The following SETD1A variants were observed in gnomAD, a reference collection of about 807,000 sequenced individuals.
SETD1A encodes the protein histone-lysine N-methyltransferase SETD1A.
SETD1A carries 29 observed loss-of-function variants against 149.9 expected under a neutral mutation model. That is an observed-to-expected ratio of 0.19 (90% CI 0.14 to 0.26). The LOEUF is 0.26. Among genes scored for constraint, SETD1A ranks in the 10% least tolerant of loss-of-function variants. SETD1A has a pLI of 1.00. For missense variants in SETD1A, 2,109 were observed against 2,353.1 expected (o/e 0.90, Z 2.15); for synonymous variants, 1,141 against 968.5 (o/e 1.18, Z -3.31).
intron 13 of SETD1A, among the ~76,000 whole-genome samples, chr16:30,974,245 T>C (rs2056257957): frequency 6.6e-6 from 1 of 151,974 alleles, no homozygotes; most frequent in South Asian, 2.1e-4. Flanking sequence ...GAGGTTGCAT[T>C]TGAGGTGCCC....
chr16:30,959,752 C>CTTTTTT (rs10577465), intron 3 of SETD1A, among the ~76,000 whole-genome samples: 1 of 96,258 alleles, frequency 1.0e-5, no homozygotes, highest in African/African-American at 3.3e-5. Flanking sequence ...TCTTCTTCTT[C>CTTTTTT]TTTTTTTTTT....
Position 30,980,219 on chromosome 16 carries a change from C to T in SETD1A, c.4408+25C>T. The T allele has an allele frequency of 2.5e-6, 4 of 1,573,044 alleles. No individual in the cohort carries two copies. Among genetic ancestry groups the T allele is most frequent in the Non-Finnish European group, 3.5e-6 (4 of 1,157,620 alleles). ...AATATCCTGAGTGTGGGCGGCCTTC[C>T]CCGGGCTTGGGTCCTCCCCCGACCC... On this transcript the variant is annotated intron_variant, in intron 14 of 18. Coordinates refer to ENST00000262519, the MANE Select transcript of SETD1A (RefSeq NM_014712.3). The surrounding 1 kb of genome is among the most constrained non-coding windows in gnomAD (Gnocchi z 7.7).
Position 30,967,430 on chromosome 16 carries a change from A to G in SETD1A, c.2683-71A>G. On this transcript the variant is annotated intron_variant, in intron 9 of 18. Transcript: ENST00000262519. ...TGGCCTCCCAAAGTGCTGGGATTAC[A>G]GGAGTGAGCCACCGTGCTCTGCCTG... 6 of 1,400,344 alleles carry G rather than the reference A, an allele frequency of 4.3e-6. No homozygotes were observed. The South Asian group carries it at 5.8e-5, about 13-fold the overall frequency. 86.7% of individuals were successfully genotyped at this position (1,400,344 alleles called of 1,614,324 possible).
intron 17 of SETD1A, among the ~76,000 whole-genome samples, chr16:30,981,660 C>G (rs568366503): frequency 6.6e-6 from 1 of 152,378 alleles, no homozygotes; most frequent in African/African-American, 2.4e-5. Context: ...CAGGCGTGAG[C>G]CATCGCATCC....
intron 13 of SETD1A, among the ~76,000 whole-genome samples, chr16:30,972,465 A>G (rs2056237038): frequency 6.6e-6 from 1 of 151,660 alleles, no homozygotes; most frequent in Non-Finnish European, 1.5e-5. Context: ...TTGAAACCCC[A>G]TCTCTACTAA....
At position 30,980,025 on chromosome 16, in the gene SETD1A, C is replaced by T. The variant is rs759173261; in HGVS notation, c.4239C>T (p.Arg1413=). Residue 1413 remains arginine (R), a synonymous_variant, in exon 14 of 19, where the codon CGC becomes CGT. Coordinates refer to ENST00000262519, the MANE Select transcript of SETD1A (RefSeq NM_014712.3). The surrounding 1 kb of genome is among the most constrained non-coding windows in gnomAD (Gnocchi z 7.7). ...CCCCACCCCCGCCGCCACCGCCCCGCGCCTACGAGCCACGCAGTGAGTTTG... is the reference window on the plus strand; with the variant it reads ...CCCCACCCCCGCCGCCACCGCCCCGTGCCTACGAGCCACGCAGTGAGTTTG... ...PPPPPPPPPP[R]AYEPRSEFEQ... is the part of the protein sequence containing the mutation. 3.7e-5 allele frequency: 59 copies of T among 1,575,852 alleles called. No individual in the cohort carries two copies. The highest frequency in any genetic ancestry group is 1.2e-4 in the African/African-American group (9 of 72,100).
chr16:30,959,084 T>G lies in SETD1A; in HGVS notation c.151-7T>G. The G allele has an allele frequency of 6.2e-7, 1 of 1,606,006 alleles. No homozygotes were observed. Among genetic ancestry groups the G allele is most frequent in the Non-Finnish European group, 8.5e-7 (1 of 1,172,650 alleles). Reference sequence around the variant, plus strand: ...AGCTCTCTTTCTGCTGCTGCTTTCCTTCCTAGGACTCAAAGTATATACCAG... The same window carrying G: ...AGCTCTCTTTCTGCTGCTGCTTTCCGTCCTAGGACTCAAAGTATATACCAG... On this transcript the variant is annotated splice_region_variant and splice_polypyrimidine_tract_variant and intron_variant, in intron 2 of 18. Transcript: ENST00000262519.
At position 30,965,115 on chromosome 16, in the gene SETD1A, C is replaced by T. The variant is rs1226810551; in HGVS notation, c.1373C>T (p.Thr458Ile). 5 of 1,611,860 alleles carry T rather than the reference C, an allele frequency of 3.1e-6. No homozygotes were observed. The highest frequency in any genetic ancestry group is 3.4e-6 in the Non-Finnish European group (4 of 1,179,902). The change falls in exon 7 of 19, where the codon ACT (threonine) becomes ATT (isoleucine). Residue 458 changes from threonine (T) to isoleucine (I), a missense_variant. Transcript: ENST00000262519. Reference protein sequence around the residue: ...GPSPEREEVRTSPRPASPARS... With the variant: ...GPSPEREEVRISPRPASPARS... ...AGCCCTGAGAGAGAAGAAGTTCGGA[C>T]TTCCCCCCGCCCAGCCTCCCCTGCC... is the stretch of plus-strand genomic sequence containing the variant.
Position 30,979,977 on chromosome 16 carries a change from C to T in SETD1A, c.4191C>T (p.His1397=), listed in dbSNP as rs570983981. Residue 1397 remains histidine, a synonymous_variant, in exon 14 of 19, where the codon CAC becomes CAT. Transcript: ENST00000262519. ...TCCGGAGGCGCAGCCTCCGCTCCCA[C>T]GCCCGGCGCCGCCGCCCTCCGCCCC... ...GALRRRSLRS[H]ARRRRPPPPP... is the part of the protein sequence containing the mutation. 115 of 1,510,268 alleles carry T rather than the reference C, an allele frequency of 7.6e-5. 2 individuals carry two copies. The highest frequency in any genetic ancestry group is 2.8e-4 in the African/African-American group (20 of 70,262). 93.6% of individuals were successfully genotyped at this position (1,510,268 alleles called of 1,614,324 possible).
intron 12 of SETD1A, among the ~76,000 whole-genome samples, chr16:30,969,951 T>G (rs1487522893): frequency 1.3e-5 from 2 of 152,108 alleles, no homozygotes; most frequent in African/African-American, 4.8e-5. Context: ...ACGCTTTTTT[T>G]GTTTTGTTTT....
Position 30,979,244 on chromosome 16 carries a change from C to G in SETD1A, c.3458C>G (p.Ser1153Cys). ...PAPRPDERPSSPIPLLPPPKK... is the reference protein window; with the variant it reads ...PAPRPDERPSCPIPLLPPPKK... Reference sequence around the variant, plus strand: ...CCACGCCCCGATGAGCGTCCCTCTTCTCCCATCCCCCTCCTGCCCCCACCC... The same window carrying G: ...CCACGCCCCGATGAGCGTCCCTCTTGTCCCATCCCCCTCCTGCCCCCACCC... Residue 1153 changes from serine to cysteine, a missense_variant, in exon 14 of 19, where the codon TCT becomes TGT. Ser to Cys is a moderately radical substitution (Grantham distance 112). Around this residue, in one of 8 missense-constraint regions of SETD1A, gnomAD observed 832 missense variants for 815.6 expected, o/e 1.02. Transcript: ENST00000262519. 1 of 1,490,718 alleles carries G rather than the reference C, an allele frequency of 6.7e-7. No homozygotes were observed. Among genetic ancestry groups the G allele is most frequent in the Non-Finnish European group, 9.2e-7 (1 of 1,086,022 alleles). The allele number at this position is 1,490,718 out of a possible 1,614,324, so 92.3% of individuals were successfully genotyped here.
At position 30,959,236 on chromosome 16, in the gene SETD1A, G is replaced by T. The variant is rs201787922; in HGVS notation, c.246+50G>T. On this transcript the variant is annotated intron_variant, in intron 3 of 18. Coordinates refer to ENST00000262519, the MANE Select transcript of SETD1A (RefSeq NM_014712.3). ...GTGGTAGTCCTAAGAGGGTGTGGAGGATGCGTCTTGGCACTATAGCTGAAT... is the reference window on the plus strand; with the variant it reads ...GTGGTAGTCCTAAGAGGGTGTGGAGTATGCGTCTTGGCACTATAGCTGAAT... The T allele has an allele frequency of 3.4e-6, 4 of 1,190,694 alleles. No individual in the cohort carries two copies. In the Admixed American group the frequency reaches 6.7e-5, roughly 20 times the overall value. 73.8% of individuals were successfully genotyped at this position (1,190,694 alleles called of 1,614,324 possible).
At chr16:30,963,096 T>C (rs1234813416) in intron 4 of SETD1A, among the ~76,000 whole-genome samples, 1 of 152,206 alleles carries the variant, frequency 6.6e-6, no homozygotes, top group African/African-American at 2.4e-5. Context: ...TGAATTCCAA[T>C]TTTTCCAATG....
At position 30,979,193 on chromosome 16, in the gene SETD1A, C is replaced by A; in HGVS notation, c.3407C>A (p.Pro1136Gln). 6.3e-7 allele frequency: 1 copy of A among 1,589,872 alleles called. No homozygotes were observed. Among genetic ancestry groups the A allele is most frequent in the Non-Finnish European group, 8.6e-7 (1 of 1,168,038 alleles). Reference sequence around the variant, plus strand: ...AGTGCGCCTCTGCGTCCCCCAGAACCACCTGCTGGGCCCCCGGCCCCTGCC... The same window carrying A: ...AGTGCGCCTCTGCGTCCCCCAGAACAACCTGCTGGGCCCCCGGCCCCTGCC... Reference protein sequence around the residue: ...PPSAPLRPPEPPAGPPAPAPR... With the variant: ...PPSAPLRPPEQPAGPPAPAPR... The change falls in exon 14 of 19, where the codon CCA becomes CAA. Residue 1136 changes from proline to glutamine, a missense_variant. Pro to Gln is a moderately conservative substitution (Grantham distance 76). Coordinates refer to ENST00000262519, the MANE Select transcript of SETD1A (RefSeq NM_014712.3).
Position 30,971,543 on chromosome 16 carries a change from C to G in SETD1A, c.3182C>G (p.Ser1061Cys). Residue 1061 changes from serine to cysteine, a missense_variant, in exon 13 of 19, where the codon TCC (serine) becomes TGC (cysteine). Physicochemically the swap from Ser to Cys is moderately radical, Grantham distance 112 (BLOSUM62 -1). Around this residue, in one of 8 missense-constraint regions of SETD1A, gnomAD observed 832 missense variants for 815.6 expected, o/e 1.02. Coordinates refer to ENST00000262519, the MANE Select transcript of SETD1A (RefSeq NM_014712.3). ...SSSSSSSSES[S>C]SEDEEEEERP... ...TCGTCCTCTTCATCCTCTGAGTCCT[C>G]CTCTGAAGATGAAGAGGAAGAGGAG... is the stretch of plus-strand genomic sequence containing the variant. The G allele has an allele frequency of 6.2e-7, 1 of 1,613,954 alleles. No homozygotes were observed. The highest frequency in any genetic ancestry group is 8.5e-7 in the Non-Finnish European group (1 of 1,179,942).
chr16:30,963,589 TGTGG>T (rs767677442), intron 5 of SETD1A, 35 bp downstream of exon 5: 1 of 1,597,274 alleles, frequency 6.3e-7, no homozygotes, highest in Non-Finnish European at 8.5e-7. Flanking sequence ...CCCCTAGCCA[TGTGG>T]GCATGGTGTC....
In SETD1A at chr16:30,964,075, C is replaced by T; in HGVS notation, c.640-19C>T. 1 of 1,602,294 alleles carries T rather than the reference C, an allele frequency of 6.2e-7. No homozygotes were observed. Among genetic ancestry groups the T allele is most frequent in the Non-Finnish European group, 8.5e-7 (1 of 1,173,464 alleles). On this transcript the variant is annotated intron_variant, in intron 5 of 18. Transcript: ENST00000262519. ...GTTTGAGCCCATTCCTCTCTCCTTG[C>T]CCTGCTCTGTCGCTCTAGGCCGAAT...
chr16:30,963,506 C>A lies in SETD1A; in HGVS notation c.591C>A (p.Gly197=), dbSNP rs1408830153. The A allele has an allele frequency of 1.2e-6, 2 of 1,613,594 alleles. No individual in the cohort carries two copies. Residue 197 remains glycine (G), a synonymous_variant, in exon 5 of 19, where the codon GGC becomes GGA. Transcript: ENST00000262519. ...CCCCTCAGACTGTGCCCACTGGGGG[C>A]AAGGCCCTGAGTGAGAAGTTCCAAG... The part of the protein sequence containing the change: ...SYTPQTVPTG[G]KALSEKFQGS...
Position 30,964,884 on chromosome 16 carries a change from C to G in SETD1A, c.1142C>G (p.Ser381Cys). ...TGGAATCGCTACCAGCGCCATACTTCCTACCCACCACGCCGGGCCACACGG... is the reference window on the plus strand; with the variant it reads ...TGGAATCGCTACCAGCGCCATACTTGCTACCCACCACGCCGGGCCACACGG... ...ESWNRYQRHT[S>C]YPPRRATREE... The change falls in exon 7 of 19, where the codon TCC (serine) becomes TGC (cysteine). Residue 381 changes from serine to cysteine, a missense_variant. Coordinates refer to ENST00000262519, the MANE Select transcript of SETD1A (RefSeq NM_014712.3). 1 of 1,614,242 alleles carries G rather than the reference C, an allele frequency of 6.2e-7. No homozygotes were observed. The highest frequency in any genetic ancestry group is 8.5e-7 in the Non-Finnish European group (1 of 1,180,044).
Sources: allele counts gnomAD v4.1 joint callset (sites outside exome capture counted in the v4.1 genomes callset), GRCh38; gene constraint gnomAD v4.1.1; regional missense constraint gnomAD v4.1.1; non-coding constraint Gnocchi (gnomAD v3.1); transcripts MANE v1.5; gene names NCBI Gene and HGNC (gene_info 2026-07-23, HGNC 2026-07-21).